SPEF2: variants seen among roughly 807,000 people sequenced by gnomAD.
SPEF2 encodes sperm flagella and cilia-associated protein 2.
In SPEF2, 187 loss-of-function variants were observed where a neutral mutation model predicts 224.6. The observed-to-expected ratio is 0.83, with a 90% CI of 0.74 to 0.94. The LOEUF (loss-of-function observed/expected upper bound fraction) is 0.94, where lower values mean the gene tolerates loss of function less well. Among genes scored for constraint, SPEF2 ranks in the 40% least tolerant of loss-of-function variants. The pLI is 0.00. For synonymous variants in SPEF2, 715 were observed against 707.3 expected (o/e 1.01, Z -0.17); for missense variants, 2,170 against 2,135.6 (o/e 1.02, Z -0.32).
Position 35,697,711 on chromosome 5 carries a change from G to T in SPEF2, c.2059G>T (p.Gly687Cys). 2 of 1,613,192 alleles carry T rather than the reference G, an allele frequency of 1.2e-6. No homozygotes were observed. Among genetic ancestry groups the T allele is most frequent in the Non-Finnish European group, 1.7e-6 (2 of 1,179,572 alleles). The change falls in exon 15 of 37, where the codon GGT (glycine) becomes TGT (cysteine). Residue 687 changes from glycine to cysteine, a missense_variant. Transcript: ENST00000356031. ...FLKLTTRAQL[G>C]AKSEQLLKKG... ...CCAGCTCACTACACGTGCTCAGCTTGGTGCAAAATCAGAACAGTTGCTGAA... is the reference window on the plus strand; with the variant it reads ...CCAGCTCACTACACGTGCTCAGCTTTGTGCAAAATCAGAACAGTTGCTGAA...
intron 25 of SPEF2, among the ~76,000 whole-genome samples, chr5:35,761,348 A>G (rs1751256210): frequency 6.6e-6 from 1 of 152,228 alleles, no homozygotes; most frequent in African/African-American, 2.4e-5. Context: ...TAAAATCTAC[A>G]AAGCATTTAG....
intron 20 of SPEF2, among the ~76,000 whole-genome samples, chr5:35,715,827 T>C (rs1442086390): frequency 8.2e-5 from 12 of 147,156 alleles, no homozygotes; most frequent in African/African-American, 3.0e-4. Context: ...TTTTTTTTTT[T>C]TTTTTTGAGA....
At chr5:35,771,880 T>G in intron 27 of SPEF2, 124 bp downstream of exon 27, 25 of 1,127,290 alleles carry the variant, frequency 2.2e-5, no homozygotes, top group Non-Finnish European at 2.9e-5. Context: ...AGGTTTAAAC[T>G]AGAGACCCGG....
intron 32 of SPEF2, among the ~76,000 whole-genome samples, chr5:35,794,990 A>C (rs1476820229): frequency 6.6e-6 from 1 of 152,080 alleles, no homozygotes; most frequent in Non-Finnish European, 1.5e-5. Flanking sequence ...GATTGTCAGC[A>C]CTTGCCAGCT....
chr5:35,675,152 A>G (rs1751764412), intron 10 of SPEF2, among the ~76,000 whole-genome samples: 2 of 152,230 alleles, frequency 1.3e-5, no homozygotes, highest in Admixed American at 1.3e-4. Context: ...ACTTGCTTAT[A>G]TGATGAAGGC....
At chr5:35,628,591 G>T in intron 2 of SPEF2, 29 bp downstream of exon 2, 1 of 1,489,656 alleles carries the variant, frequency 6.7e-7, no homozygotes, top group Non-Finnish European at 9.4e-7. Context: ...TTTTGTTGTT[G>T]TTGTTGTTTA....
chr5:35,665,912 A>C (rs949079852), intron 8 of SPEF2, among the ~76,000 whole-genome samples: 45 of 152,348 alleles, frequency 3.0e-4, no homozygotes, highest in Non-Finnish European at 1.6e-4. Context: ...AAAATAAAAC[A>C]GTAATAGCAA....
intron 36 of SPEF2, among the ~76,000 whole-genome samples, chr5:35,811,821 G>T (rs1456219758): frequency 6.8e-6 from 1 of 146,380 alleles, no homozygotes; most frequent in Non-Finnish European, 1.5e-5. Context: ...TCAGGCTGGA[G>T]GGTTGGATTG....
intron 6 of SPEF2, among the ~76,000 whole-genome samples, chr5:35,650,984 T>C (rs1748112264): frequency 6.6e-6 from 1 of 152,230 alleles, no homozygotes; most frequent in Non-Finnish European, 1.5e-5. Flanking sequence ...CTCACTGTCC[T>C]GTTGTGTGGT....
At chr5:35,710,239 G>A (rs1740819744) in intron 19 of SPEF2, 3 of 984,742 alleles carry the variant, frequency 3.0e-6, no homozygotes, top group Non-Finnish European at 3.6e-6. Context: ...GAGGAAAATG[G>A]AAATATTTAA....
intron 19 of SPEF2, among the ~76,000 whole-genome samples, chr5:35,711,582 T>TCCCC (rs56077491): frequency 2.5e-4 from 33 of 134,232 alleles, no homozygotes; most frequent in Non-Finnish European, 4.0e-4. Flanking sequence ...TTTCCCTCCC[T>TCCCC]CTCTCCCTTC....
chr5:35,678,556 T>A (rs1752341924), intron 10 of SPEF2: 1 of 152,254 alleles, frequency 6.6e-6, no homozygotes, highest in Admixed American at 6.5e-5. Context: ...TAGAAAGATG[T>A]GTCCGGGTAG....
intron 2 of SPEF2, among the ~76,000 whole-genome samples, chr5:35,629,957 G>A (rs1744848204): frequency 6.6e-6 from 1 of 152,122 alleles, no homozygotes; most frequent in Non-Finnish European, 1.5e-5. Flanking sequence ...ATCAATTGAT[G>A]GTTACAATCC....
intron 23 of SPEF2, among the ~76,000 whole-genome samples, chr5:35,742,227 C>T (rs546910312): frequency 2.6e-5 from 4 of 152,214 alleles, no homozygotes; most frequent in African/African-American, 9.6e-5. Flanking sequence ...TAGTCACCAG[C>T]TTATTAACAG....
At chr5:35,663,704 G>A (rs1750039214) in intron 8 of SPEF2, among the ~76,000 whole-genome samples, 1 of 152,112 alleles carries the variant, frequency 6.6e-6, no homozygotes, top group Admixed American at 6.5e-5. Context: ...ACTGGAGAGT[G>A]TAAGAATATA....
chr5:35,622,986 A>G (rs1470321676), intron 1 of SPEF2, among the ~76,000 whole-genome samples: 1 of 152,226 alleles, frequency 6.6e-6, no homozygotes, highest in Non-Finnish European at 1.5e-5. Context: ...TTACCAAAGG[A>G]AAGAAAACGT....
At chr5:35,694,086 A>G (rs1012101844) in intron 12 of SPEF2, among the ~76,000 whole-genome samples, 1 of 152,204 alleles carries the variant, frequency 6.6e-6, no homozygotes, top group Non-Finnish European at 1.5e-5. Flanking sequence ...GTATTTCTAT[A>G]AGTGCAATTA....
chr5:35,746,782 G>A (rs995373450), intron 23 of SPEF2, among the ~76,000 whole-genome samples: 2 of 152,056 alleles, frequency 1.3e-5, no homozygotes, highest in Non-Finnish European at 2.9e-5. Flanking sequence ...CCCCAGCCTC[G>A]CTAGAGACCT....
At chr5:35,801,608 T>C (rs1385586208) in intron 34 of SPEF2, among the ~76,000 whole-genome samples, 2 of 152,162 alleles carry the variant, frequency 1.3e-5, no homozygotes, top group East Asian at 3.9e-4. Context: ...TTTCTGTATC[T>C]CTCTGTAGAT....
Sources: gnomAD v4.1 joint callset for allele counts (sites outside exome capture counted in the v4.1 genomes callset) on GRCh38, gnomAD v4.1.1 for gene constraint, MANE v1.5 for transcripts, NCBI Gene and HGNC (gene_info 2026-07-23, HGNC 2026-07-21) for gene names.